The following ASIP variants were observed in gnomAD, a reference collection of about 807,000 sequenced individuals.
The protein encoded by ASIP is agouti signaling protein, also known as agouti-signaling protein.
ASIP carries 11 observed loss-of-function variants against 10.3 expected under a neutral mutation model. The ratio of observed to expected loss-of-function variants is 1.07; its 90% confidence interval spans 0.68 to 1.78. The LOEUF (loss-of-function observed/expected upper bound fraction) is 1.78, where lower values mean the gene tolerates loss of function less well. Ranked by LOEUF, ASIP falls within the 40% of genes most tolerant of loss-of-function variation. The probability of loss-of-function intolerance (pLI) is 0.00; values close to 1 mark genes in which losing one functional copy is unlikely to be tolerated. For missense variants in ASIP, 180 were observed against 169.2 expected, an observed-to-expected ratio of 1.06 and a Z score of -0.35; for synonymous variants, 70 against 70.8, an observed-to-expected ratio of 0.99 and a Z score of 0.06.
At chr20:34,253,179 C>G (rs1200112424) in intron 1 of ASIP, among the ~76,000 whole-genome samples, 34 of 151,640 alleles carry the variant, frequency 2.2e-4, no homozygotes, top group Non-Finnish European at 4.0e-4. Context: ...TCACTCAGCT[C>G]ACTGCAAGCT....
At chr20:34,211,648 T>A (rs141689651) in intron 1 of ASIP, among the ~76,000 whole-genome samples, 1 of 152,226 alleles carries the variant, frequency 6.6e-6, no homozygotes, top group African/African-American at 2.4e-5. Flanking sequence ...CACCTTCATT[T>A]ACGAAAAAAT....
At chr20:34,227,168 C>T (rs1178541417) in intron 1 of ASIP, among the ~76,000 whole-genome samples, 2 of 151,922 alleles carry the variant, frequency 1.3e-5, no homozygotes, top group African/African-American at 4.8e-5. Flanking sequence ...GATTAATATA[C>T]AGAAACTAGT....
chr20:34,263,614 CAT>C (rs147875883), intron 3 of ASIP, among the ~76,000 whole-genome samples: 13,426 of 150,950 alleles, frequency 0.089, 1,967 homozygotes, highest in African/African-American at 0.31. Context: ...CTCTTGAACA[CAT>C]GTGTTTGAAC....
intron 1 of ASIP, among the ~76,000 whole-genome samples, chr20:34,250,727 G>C (rs1360444114): frequency 2.0e-5 from 3 of 152,138 alleles, no homozygotes; most frequent in African/African-American, 7.2e-5. Flanking sequence ...AACCCGGGAG[G>C]TGGAGGTGCC....
At chr20:34,225,869 T>C (rs987268361) in intron 1 of ASIP, among the ~76,000 whole-genome samples, 2 of 152,122 alleles carry the variant, frequency 1.3e-5, no homozygotes, top group Admixed American at 6.6e-5. Context: ...AAAATACTTA[T>C]GTAATAACTA....
chr20:34,239,756 A>C (rs2122601273), upstream of ASIP, among the ~76,000 whole-genome samples: 1 of 152,320 alleles, frequency 6.6e-6, no homozygotes, highest in African/African-American at 2.4e-5. Flanking sequence ...GTCTCTACAA[A>C]TCACCAAAAG....
At position 34,201,017 on chromosome 20, in the gene ASIP, C is replaced by CTTCTTTCTTTCT. The variant is rs1215561275; in HGVS notation, c.-11+6292_-11+6303dup. On this transcript the variant is annotated intron_variant, in intron 1 of 3. Coordinates refer to the ASIP transcript ENST00000568305. ...CCTTCCTTCCTTCCTTCCTTCCTTC[C>CTTCTTTCTTTCT]TTCTTTCTTTCTTTCTTTCTTTCTT... Among the ~76,000 whole-genome samples the CTTCTTTCTTTCT allele has an allele frequency of 8.7e-3, 552 of 63,326 alleles. 8 individuals are homozygous for CTTCTTTCTTTCT. The highest frequency in any genetic ancestry group is 0.028 in the South Asian group (55 of 1,938). 41.5% of individuals were successfully genotyped at this position (63,326 alleles called of 152,430 possible).
intron 3 of ASIP, among the ~76,000 whole-genome samples, chr20:34,268,591 C>A (rs887048450): frequency 2.0e-5 from 3 of 151,876 alleles, no homozygotes; most frequent in African/African-American, 4.8e-5. Flanking sequence ...ATAAATTTAG[C>A]CAAGCGTGGT....
At position 34,235,876 on chromosome 20, in the gene ASIP, A is replaced by AG. The variant is rs1455254195; in HGVS notation, c.-10-24487dup. Reference sequence around the variant, plus strand: ...AGGAAGGAAGGAAGGAAAGGAAGGAAGGAAGGAAGGAAGGAAGGAAGGAAA... The same window carrying AG: ...AGGAAGGAAGGAAGGAAAGGAAGGAAGGGAAGGAAGGAAGGAAGGAAGGAAA... On this transcript the variant is annotated intron_variant, in intron 1 of 3. Transcript: ENST00000568305. Among the ~76,000 whole-genome samples the AG allele has an allele frequency of 3.2e-3, 307 of 94,848 alleles. 11 individuals are homozygous for AG. Among genetic ancestry groups the AG allele is most frequent in the African/African-American group, 8.4e-3 (105 of 12,484 alleles). The allele number at this position is 94,848 out of a possible 152,430, so 62.2% of individuals were successfully genotyped here. A position where few individuals can be genotyped will look rare whatever the true frequency, so the allele number is the denominator to read the frequency against.
intron 1 of ASIP, among the ~76,000 whole-genome samples, chr20:34,259,058 A>T (rs556992480): frequency 2.7e-4 from 41 of 150,548 alleles, no homozygotes; most frequent in African/African-American, 6.6e-4. Context: ...ATTTTTTTTT[A>T]AATTAGCCAG....
chr20:34,222,393 T>G (rs1340553709), intron 1 of ASIP, among the ~76,000 whole-genome samples: 2 of 152,164 alleles, frequency 1.3e-5, no homozygotes, highest in East Asian at 1.9e-4. Context: ...CTCCAGAGCT[T>G]CTTTTGAATA....
At chr20:34,264,739 T>C (rs8126114) in intron 3 of ASIP, among the ~76,000 whole-genome samples, 16,939 of 151,222 alleles carry the variant, frequency 0.11, 3,271 homozygotes, top group African/African-American at 0.39. Flanking sequence ...ATAATCGATC[T>C]CTACTTATCC....
At chr20:34,258,148 A>C (rs1026582613) in intron 1 of ASIP, among the ~76,000 whole-genome samples, 50 of 151,994 alleles carry the variant, frequency 3.3e-4, no homozygotes, top group African/African-American at 1.2e-3. Context: ...CATCTTAAAA[A>C]AAAAAAGAGA....
intron 1 of ASIP, among the ~76,000 whole-genome samples, chr20:34,213,297 C>T (rs76090911): frequency 0.038 from 5,846 of 152,292 alleles, 162 homozygotes; most frequent in Non-Finnish European, 0.059. Flanking sequence ...AACTGTGAAC[C>T]AATAACTTTC....
intron 1 of ASIP, among the ~76,000 whole-genome samples, chr20:34,220,742 C>T (rs779633998): frequency 2.0e-5 from 3 of 152,162 alleles, no homozygotes; most frequent in Admixed American, 6.5e-5. Flanking sequence ...ATGCTTAGCA[C>T]GGAACACTGA....
intron 1 of ASIP, among the ~76,000 whole-genome samples, chr20:34,209,384 T>G (rs1324618842): frequency 6.6e-6 from 1 of 152,152 alleles, no homozygotes; most frequent in African/African-American, 2.4e-5. Flanking sequence ...TTGTGGCTAC[T>G]GACCTGGGCC....
At chr20:34,239,039 T>A (rs1273283296), upstream of ASIP, among the ~76,000 whole-genome samples, 2 of 152,196 alleles carry the variant, frequency 1.3e-5, no homozygotes, top group East Asian at 3.9e-4. Flanking sequence ...CTTTCCTGGC[T>A]AATTATTTCT....
chr20:34,201,210 C>T (rs1369724610), intron 1 of ASIP, among the ~76,000 whole-genome samples: 1 of 151,960 alleles, frequency 6.6e-6, no homozygotes, highest in African/African-American at 2.4e-5. Flanking sequence ...CACCGGAGTG[C>T]GGGTGACAAG....
At chr20:34,252,645 C>A (rs1266562234) in intron 1 of ASIP, among the ~76,000 whole-genome samples, 2 of 152,154 alleles carry the variant, frequency 1.3e-5, no homozygotes, top group Non-Finnish European at 2.9e-5. Flanking sequence ...CTTATCTCAA[C>A]TGCAAAGAGG....
Sources: gnomAD v4.1 joint callset for allele counts (sites outside exome capture counted in the v4.1 genomes callset) on GRCh38, gnomAD v4.1.1 for gene constraint, MANE v1.5 for transcripts, NCBI Gene and HGNC (gene_info 2026-07-23, HGNC 2026-07-21) for gene names.